Variants in PTGER3 observed in about 807,000 individuals in gnomAD.
PTGER3 encodes prostaglandin E receptor 3, also known as prostaglandin E2 receptor EP3 subtype.
Under a neutral mutation model 34.7 loss-of-function variants are expected in PTGER3, and 22 were observed. The observed-to-expected ratio is 0.63, with a 90% confidence interval of 0.45 to 0.91. The LOEUF (loss-of-function observed/expected upper bound fraction) is 0.91, where lower values mean the gene tolerates loss of function less well. Among genes scored for constraint, PTGER3 ranks in the 40% least tolerant of loss-of-function variants. PTGER3 has a pLI of 0.00. For synonymous variants in PTGER3, 241 were observed against 230.1 expected, an observed-to-expected ratio of 1.05 and a Z score of -0.43; for missense variants, 468 against 519.4, an observed-to-expected ratio of 0.90 and a Z score of 0.96.
intron 4 of PTGER3, among the ~76,000 whole-genome samples, chr1:70,926,514 T>A (rs1648104203): frequency 6.6e-6 from 1 of 152,158 alleles, no homozygotes; most frequent in Non-Finnish European, 1.5e-5. Context: ...TGCTTGTGAT[T>A]TTTGTACATT....
chr1:70,872,967 G>T (rs1268275327), intron 4 of PTGER3, among the ~76,000 whole-genome samples: 1 of 152,024 alleles, frequency 6.6e-6, no homozygotes, highest in African/African-American at 2.4e-5. Flanking sequence ...GAAATGCCTG[G>T]GCCCTTGACT....
intron 4 of PTGER3, among the ~76,000 whole-genome samples, chr1:70,944,186 T>C (rs1400639176): frequency 6.6e-6 from 1 of 152,148 alleles, no homozygotes; most frequent in Non-Finnish European, 1.5e-5. Flanking sequence ...TTCTAGTCTA[T>C]AAAGCTCATT....
intron 2 of PTGER3, among the ~76,000 whole-genome samples, chr1:70,984,136 C>T (rs911036314): frequency 6.6e-6 from 1 of 152,124 alleles, no homozygotes; most frequent in Non-Finnish European, 1.5e-5. Flanking sequence ...CCTGTAATCC[C>T]AGCACCTTTG....
chr1:70,988,231 T>C (rs1655104387), intron 2 of PTGER3, among the ~76,000 whole-genome samples: 1 of 152,194 alleles, frequency 6.6e-6, no homozygotes, highest in South Asian at 2.1e-4. Context: ...AAAACCTTGA[T>C]AAATTCTTTC....
At position 71,015,968 on chromosome 1, in the gene PTGER3, C is replaced by T. The variant is rs78407723; in HGVS notation, c.898-3484G>A. On this transcript the variant is annotated intron_variant, in intron 1 of 3. Coordinates refer to ENST00000306666, the MANE Select transcript of PTGER3 (RefSeq NM_198719.2). ...TGTTTTTTGAGACAGTGTCTCACTC[C>T]GTCACCAAGGCTTGGGTGCAGTGGC... Among the ~76,000 whole-genome samples, 664 of 152,280 alleles carry T rather than the reference C, an allele frequency of 4.4e-3. 8 individuals are homozygous for T. Among genetic ancestry groups the T allele is most frequent in the African/African-American group, 0.015 (623 of 41,558 alleles).
chr1:71,015,871 T>C (rs1657845240), intron 1 of PTGER3, among the ~76,000 whole-genome samples: 1 of 152,192 alleles, frequency 6.6e-6, no homozygotes, highest in Non-Finnish European at 1.5e-5. Flanking sequence ...AACGAATCCC[T>C]GGCAAAGGGG....
In PTGER3 at chr1:70,990,353, T is replaced by TCACACA. The variant is rs576448927; in HGVS notation, c.1078-15971_1078-15966dup. 4.2e-3 allele frequency among the ~76,000 whole-genome samples: 550 copies of TCACACA among 130,782 alleles called. 9 individuals carry two copies. Among genetic ancestry groups the TCACACA allele is most frequent in the Admixed American group, 0.026 (325 of 12,312 alleles). 85.8% of individuals were successfully genotyped at this position (130,782 alleles called of 152,430 possible). A position where few individuals can be genotyped will look rare whatever the true frequency, so the allele number is the denominator to read the frequency against. ...GCCTGGGCGACAGAACGAGACTGTC[T>TCACACA]CACACACACACACACACACACACAC... is the stretch of plus-strand genomic sequence containing the variant. On this transcript the variant is annotated intron_variant, in intron 2 of 3. Transcript: ENST00000306666.
chr1:70,981,341 T>C lies in PTGER3; in HGVS notation c.1078-6953A>G, dbSNP rs1283735853. Reference sequence around the variant, plus strand: ...CTTTCTTCTTTCTTTCTTTCTTTCTTTCTTTCTTTCTTTCTTTCTTTCTTT... The same window carrying C: ...CTTTCTTCTTTCTTTCTTTCTTTCTCTCTTTCTTTCTTTCTTTCTTTCTTT... On this transcript the variant is annotated intron_variant, in intron 2 of 3. Transcript: ENST00000306666. Among the ~76,000 whole-genome samples the C allele has an allele frequency of 5.4e-5, 3 of 55,420 alleles. No homozygotes were observed. In the East Asian group the frequency reaches 2.1e-3, roughly 39 times the overall value. The allele number at this position is 55,420 out of a possible 152,430, so 36.4% of individuals were successfully genotyped here.
rs1393953767 is a variant in PTGER3 at position 71,021,889 on chromosome 1, T to G, written c.898-9405A>C. Among the ~76,000 whole-genome samples, 4 of 151,872 alleles carry G rather than the reference T, an allele frequency of 2.6e-5. No individual in the cohort carries two copies. In the East Asian group the frequency reaches 5.8e-4, roughly 22 times the overall value. On this transcript the variant is annotated intron_variant, in intron 1 of 3. Coordinates refer to ENST00000306666, the MANE Select transcript of PTGER3 (RefSeq NM_198719.2). ...TCATATGCATAATTTATATCTATTC[T>G]AATGCTGACATTTAAAATCATGCTG...
intron 2 of PTGER3, among the ~76,000 whole-genome samples, chr1:70,986,886 A>G (rs35316490): frequency 0.15 from 23,305 of 152,124 alleles, 2,550 homozygotes; most frequent in East Asian, 0.44. Context: ...AAGATCAAGA[A>G]CCCATCTCCT....
chr1:70,956,026 A>G (rs1251841770), intron 2 of PTGER3, among the ~76,000 whole-genome samples: 1 of 152,178 alleles, frequency 6.6e-6, no homozygotes, highest in East Asian at 1.9e-4. Context: ...GACAGCCATT[A>G]CAGGTTTGGG....
At chr1:70,946,412 G>C (rs899484343) in intron 4 of PTGER3, among the ~76,000 whole-genome samples, 1 of 152,068 alleles carries the variant, frequency 6.6e-6, no homozygotes, top group Non-Finnish European at 1.5e-5. Flanking sequence ...AGAACCAGAA[G>C]ACAGACCCAG....
intron 4 of PTGER3, among the ~76,000 whole-genome samples, chr1:70,863,341 C>T (rs191527719): frequency 6.6e-6 from 1 of 152,056 alleles, no homozygotes; most frequent in Non-Finnish European, 1.5e-5. Context: ...CCTTAGGGTG[C>T]TTTGGATCTG....
chr1:70,952,209 A>T (rs1390306085), downstream of PTGER3, among the ~76,000 whole-genome samples: 1 of 152,156 alleles, frequency 6.6e-6, no homozygotes, highest in Non-Finnish European at 1.5e-5. Flanking sequence ...GGTAGAGTCA[A>T]CAGTACTTGC....
chr1:71,010,255 A>G (rs557936972), intron 2 of PTGER3: 4 of 983,810 alleles, frequency 4.1e-6, no homozygotes, highest in Non-Finnish European at 4.8e-6. Context: ...TGTGTTGTAC[A>G]GCAGTATGAC....
chr1:70,871,502 T>G (rs1357406472), intron 4 of PTGER3, among the ~76,000 whole-genome samples: 1 of 152,204 alleles, frequency 6.6e-6, no homozygotes, highest in Non-Finnish European at 1.5e-5. Context: ...CAGCAGAGAC[T>G]ATGTCCATGT....
At chr1:70,869,188 G>A (rs187453128) in intron 4 of PTGER3, 58 of 438,082 alleles carry the variant, frequency 1.3e-4, no homozygotes, top group East Asian at 9.9e-4. Context: ...TATGTGTGTC[G>A]GGGCAGGGGT....
intron 1 of PTGER3, among the ~76,000 whole-genome samples, chr1:71,043,741 T>G (rs1660503643): frequency 6.6e-6 from 1 of 152,200 alleles, no homozygotes; most frequent in Admixed American, 6.5e-5. Context: ...GAAAGCAGCT[T>G]TGCCAGTTTC....
At chr1:70,986,325 C>G (rs767334345) in intron 2 of PTGER3, among the ~76,000 whole-genome samples, 12 of 152,162 alleles carry the variant, frequency 7.9e-5, no homozygotes, top group Non-Finnish European at 1.6e-4. Flanking sequence ...TCACTTTACT[C>G]TGTAGACTCA....
Sources: allele counts gnomAD v4.1 joint callset (sites outside exome capture counted in the v4.1 genomes callset), GRCh38; gene constraint gnomAD v4.1.1; transcripts MANE v1.5; gene names NCBI Gene and HGNC (gene_info 2026-07-23, HGNC 2026-07-21).